GALNT13: variants seen among roughly 807,000 people sequenced by gnomAD.
GALNT13 encodes the protein UDP-GalNAc:polypeptide N-acetylgalactosaminyltransferase 13.
In GALNT13, 28 loss-of-function variants were observed where a neutral mutation model predicts 64.2. The ratio of observed to expected loss-of-function variants is 0.44; its 90% CI spans 0.32 to 0.60. The LOEUF is 0.60. GALNT13 is among the 20% of genes least tolerant of loss of function. The pLI, the probability that GALNT13 is intolerant of heterozygous loss-of-function variation, is 0.05. For missense variants in GALNT13, 577 were observed against 669.8 expected, an observed-to-expected ratio of 0.86 and a Z score of 1.53; for synonymous variants, 214 against 224.6, an observed-to-expected ratio of 0.95 and a Z score of 0.42.
At chr2:154,420,565 AT>A (rs1255733687) in intron 11 of GALNT13, among the ~76,000 whole-genome samples, 1 of 152,042 alleles carries the variant, frequency 6.6e-6, no homozygotes, top group Non-Finnish European at 1.5e-5. Context: ...ATTTTATCAT[AT>A]TTAATACTTT....
rs573523313 is a variant in GALNT13 at position 154,228,493 on chromosome 2, C to T, written c.312-13537C>T. 5.3e-5 allele frequency among the ~76,000 whole-genome samples: 8 copies of T among 152,224 alleles called. No individual in the cohort carries two copies. In the South Asian group the frequency reaches 1.7e-3, roughly 32 times the overall value. On this transcript the variant is annotated intron_variant, in intron 4 of 12. Coordinates refer to ENST00000392825, the MANE Select transcript of GALNT13 (RefSeq NM_052917.4). ...TGGGACTGTGATCTATTTCTGAAAT[C>T]GTCCCCTGGATGTGGTCCCTGCTAT...
chr2:153,340,453 G>A, the GALNT13 span, among the ~76,000 whole-genome samples: 10 of 151,812 alleles, frequency 6.6e-5, no homozygotes, highest in Middle Eastern at 3.4e-3. Context: ...TCAGGAGTTC[G>A]AGGCCAGCCT....
At chr2:154,369,112 G>A (rs1472647894) in intron 9 of GALNT13, among the ~76,000 whole-genome samples, 5 of 151,470 alleles carry the variant, frequency 3.3e-5, no homozygotes, top group South Asian at 4.2e-4. Flanking sequence ...GAAAAAAAAT[G>A]TTTCAAATAA....
At chr2:153,339,767 G>C in the GALNT13 span, among the ~76,000 whole-genome samples, 15 of 152,056 alleles carry the variant, frequency 9.9e-5, no homozygotes, top group Admixed American at 9.8e-4. Flanking sequence ...TCCATTTTTA[G>C]TTATTTTTTA....
the GALNT13 span, among the ~76,000 whole-genome samples, chr2:153,182,355 T>C: frequency 7.6e-4 from 116 of 152,334 alleles, no homozygotes; most frequent in Non-Finnish European, 1.4e-3. Flanking sequence ...CAGTTTCATT[T>C]TCTTAACGGT....
chr2:153,392,843 A>G, the GALNT13 span, among the ~76,000 whole-genome samples: 5 of 152,012 alleles, frequency 3.3e-5, no homozygotes, highest in East Asian at 5.8e-4. Flanking sequence ...GTAGAGCTTC[A>G]GGAGGTAATT....
intron 3 of GALNT13, among the ~76,000 whole-genome samples, chr2:154,101,643 A>G (rs1702353431): frequency 6.6e-6 from 1 of 151,812 alleles, no homozygotes; most frequent in South Asian, 2.1e-4. Flanking sequence ...CTTTATTCTC[A>G]ATCTTATTTA....
chr2:154,194,678 A>C (rs561992440), intron 4 of GALNT13, among the ~76,000 whole-genome samples: 1 of 152,214 alleles, frequency 6.6e-6, no homozygotes, highest in African/African-American at 2.4e-5. Context: ...AGATTTATTA[A>C]AGGCCCTCTG....
intron 1 of GALNT13, among the ~76,000 whole-genome samples, chr2:153,892,671 A>G (rs1244606663): frequency 6.6e-6 from 1 of 152,206 alleles, no homozygotes; most frequent in Non-Finnish European, 1.5e-5. Flanking sequence ...AATTTTAAAA[A>G]TAACTTTTCA....
intron 4 of GALNT13, among the ~76,000 whole-genome samples, chr2:154,161,182 A>C (rs1209751055): frequency 6.6e-6 from 1 of 152,190 alleles, no homozygotes; most frequent in African/African-American, 2.4e-5. Context: ...AATGGTCAGG[A>C]TACTAAGATT....
At chr2:154,024,751 T>TGGA in intron 3 of GALNT13, among the ~76,000 whole-genome samples, 1 of 152,200 alleles carries the variant, frequency 6.6e-6, no homozygotes, top group Non-Finnish European at 1.5e-5. Context: ...TGCATTCCTT[T>TGGA]GGAGGAGGAG....
chr2:154,152,117 G>T (rs924371368), intron 4 of GALNT13, among the ~76,000 whole-genome samples: 5 of 152,106 alleles, frequency 3.3e-5, no homozygotes, highest in Non-Finnish European at 5.9e-5. Context: ...CTCTTTTAGG[G>T]CAGGCCTGGT....
At chr2:154,420,389 A>T (rs1700198851) in intron 11 of GALNT13, among the ~76,000 whole-genome samples, 1 of 152,090 alleles carries the variant, frequency 6.6e-6, no homozygotes, top group African/African-American at 2.4e-5. Context: ...TTTCCAGCAG[A>T]ACTTATTACT....
chr2:153,596,278 A>C, the GALNT13 span, among the ~76,000 whole-genome samples: 2 of 152,176 alleles, frequency 1.3e-5, no homozygotes. Context: ...ATTTTGTTAC[A>C]TTCTTTTGAT....
At chr2:153,687,074 T>C in the GALNT13 span, among the ~76,000 whole-genome samples, 3 of 152,180 alleles carry the variant, frequency 2.0e-5, no homozygotes, top group Non-Finnish European at 4.4e-5. Context: ...TACATTGAAG[T>C]TTATCAAGGA....
the GALNT13 span, among the ~76,000 whole-genome samples, chr2:153,608,917 C>CTT: frequency 0.15 from 19,099 of 130,516 alleles, 1,499 homozygotes; most frequent in South Asian, 0.19. Flanking sequence ...TTTTTTACTT[C>CTT]TTTTTTTTTT....
intron 8 of GALNT13, chr2:154,287,231 A>G: frequency 1.8e-6 from 2 of 1,137,144 alleles, no homozygotes; most frequent in Non-Finnish European, 2.6e-6. Context: ...GCATCAGAAG[A>G]AGGCAGCCAT....
the GALNT13 span, among the ~76,000 whole-genome samples, chr2:153,222,440 G>A: frequency 3.2e-5 from 3 of 92,356 alleles, no homozygotes; most frequent in Non-Finnish European, 4.5e-5. Flanking sequence ...TCTCACTCCC[G>A]GCAGCCTCAG....
At chr2:154,155,921 A>G (rs1684389178) in intron 4 of GALNT13, among the ~76,000 whole-genome samples, 2 of 149,248 alleles carry the variant, frequency 1.3e-5, no homozygotes, top group South Asian at 4.1e-4. Flanking sequence ...ATAAAACTAT[A>G]TATGGACAAA....
Sources: gnomAD v4.1 joint callset for allele counts (sites outside exome capture counted in the v4.1 genomes callset) on GRCh38, gnomAD v4.1.1 for gene constraint, MANE v1.5 for transcripts, NCBI Gene and HGNC (gene_info 2026-07-23, HGNC 2026-07-21) for gene names.